Variants in CYP2C18 observed in about 807,000 individuals in gnomAD.
CYP2C18 encodes the protein cytochrome P450 family 2 subfamily C member 18, also known as cytochrome P450 2C18.
Under a neutral mutation model 41.3 loss-of-function variants are expected in CYP2C18, and 38 were observed. That is an observed-to-expected ratio of 0.92 (90% CI 0.71 to 1.21). CYP2C18 has a LOEUF of 1.21. Ranked by LOEUF, CYP2C18 falls within the 50% of genes most tolerant of loss-of-function variation. CYP2C18 has a pLI of 0.00. For missense variants in CYP2C18, 635 were observed against 591.4 expected (o/e 1.07, Z -0.77); for synonymous variants, 236 against 210.0 (o/e 1.12, Z -1.07).
chr10:94,714,622 G>T (rs1212461107), intron 5 of CYP2C18, among the ~76,000 whole-genome samples: 1 of 152,120 alleles, frequency 6.6e-6, no homozygotes, highest in African/African-American at 2.4e-5. Flanking sequence ...GATGCCTCCA[G>T]CTTTGTTCTT....
At chr10:94,704,346 A>T (rs1847299819) in intron 4 of CYP2C18, among the ~76,000 whole-genome samples, 1 of 150,658 alleles carries the variant, frequency 6.6e-6, no homozygotes, top group Non-Finnish European at 1.5e-5. Flanking sequence ...TTTCTTCTGA[A>T]GGCTATAGCT....
intron 7 of CYP2C18, chr10:94,728,675 C>G: frequency 2.5e-6 from 2 of 809,848 alleles, no homozygotes; most frequent in Non-Finnish European, 3.0e-6. Context: ...TCTCAGAAGT[C>G]ATTTTTAATT....
intron 5 of CYP2C18, among the ~76,000 whole-genome samples, chr10:94,709,281 T>C (rs1413217070): frequency 1.3e-5 from 2 of 152,186 alleles, no homozygotes; most frequent in African/African-American, 4.8e-5. Flanking sequence ...ACCTTGCTAA[T>C]GTTTCTTATC....
chr10:94,707,030 G>A, intron 5 of CYP2C18, 70 bp downstream of exon 5: 1 of 1,384,438 alleles, frequency 7.2e-7, no homozygotes, highest in Non-Finnish European at 1.0e-6. Context: ...CTTAAATAGT[G>A]AGGCAAGAAA....
In CYP2C18 at chr10:94,720,020, T is replaced by G. The variant is rs117453480; in HGVS notation, c.820-376T>G. On this transcript the variant is annotated intron_variant, in intron 5 of 8. Transcript: ENST00000285979. Reference sequence around the variant, plus strand: ...AGCCACCACAGATGGACTTGTTATATTCTTAAATATTCATGTTCCAAGGTG... The same window carrying G: ...AGCCACCACAGATGGACTTGTTATAGTCTTAAATATTCATGTTCCAAGGTG... Among the ~76,000 whole-genome samples the G allele has an allele frequency of 1.6e-3, 237 of 152,264 alleles. 1 individual carries two copies. The highest frequency in any genetic ancestry group is 2.7e-3 in the Non-Finnish European group (187 of 68,002).
chr10:94,700,260 G>A (rs375773036), intron 4 of CYP2C18, among the ~76,000 whole-genome samples: 1 of 152,128 alleles, frequency 6.6e-6, no homozygotes, highest in Non-Finnish European at 1.5e-5. Flanking sequence ...AAACAGCATG[G>A]TACTGCTACC....
At chr10:94,704,056 G>T (rs1160316771) in intron 4 of CYP2C18, among the ~76,000 whole-genome samples, 1 of 152,124 alleles carries the variant, frequency 6.6e-6, no homozygotes, top group Non-Finnish European at 1.5e-5. Context: ...TCCGTGGGCT[G>T]CACCCACTGT....
chr10:94,716,988 A>G (rs1847559541), intron 5 of CYP2C18, among the ~76,000 whole-genome samples: 6 of 152,128 alleles, frequency 3.9e-5, no homozygotes, highest in Admixed American at 3.9e-4. Flanking sequence ...GTTTTATCAG[A>G]GACTAGGATT....
intron 4 of CYP2C18, among the ~76,000 whole-genome samples, chr10:94,706,031 G>A (rs927766303): frequency 6.6e-6 from 1 of 152,108 alleles, no homozygotes; most frequent in African/African-American, 2.4e-5. Flanking sequence ...ACATTATTTG[G>A]CAAAAGGGGA....
intron 4 of CYP2C18, among the ~76,000 whole-genome samples, chr10:94,698,512 C>G (rs960066463): frequency 1.3e-5 from 2 of 152,092 alleles, no homozygotes; most frequent in Admixed American, 1.3e-4. Context: ...GCACTAAATG[C>G]CCACAAGAGA....
intron 1 of CYP2C18, among the ~76,000 whole-genome samples, chr10:94,686,416 G>C (rs1219216200): frequency 6.6e-6 from 1 of 151,968 alleles, no homozygotes; most frequent in Non-Finnish European, 1.5e-5. Flanking sequence ...TCTGTCTTTA[G>C]TCTAATTGCT....
intron 7 of CYP2C18, among the ~76,000 whole-genome samples, chr10:94,727,968 T>C (rs574886403): frequency 6.6e-6 from 1 of 152,300 alleles, no homozygotes; most frequent in South Asian, 2.1e-4. Flanking sequence ...CAAGGAATTA[T>C]TATCAATACA....
intron 4 of CYP2C18, among the ~76,000 whole-genome samples, chr10:94,696,751 C>G (rs1019029005): frequency 6.6e-6 from 1 of 151,892 alleles, no homozygotes; most frequent in East Asian, 1.9e-4. Flanking sequence ...AGATGAATGG[C>G]TAACTAGAAT....
At chr10:94,703,063 G>A (rs920479064) in intron 4 of CYP2C18, among the ~76,000 whole-genome samples, 8 of 152,304 alleles carry the variant, frequency 5.3e-5, no homozygotes, top group African/African-American at 1.7e-4. Context: ...CACCAGCAGC[G>A]GCTGCAGAAC....
chr10:94,723,134 T>C, intron 6 of CYP2C18, among the ~76,000 whole-genome samples: 1 of 152,180 alleles, frequency 6.6e-6, no homozygotes, highest in Non-Finnish European at 1.5e-5. Context: ...TGTGTATTTG[T>C]AGATAAAGAA....
chr10:94,698,670 C>CA (rs1197274658), intron 4 of CYP2C18, among the ~76,000 whole-genome samples: 3 of 145,704 alleles, frequency 2.1e-5, no homozygotes, highest in Non-Finnish European at 1.5e-5. Flanking sequence ...AAAAACCCTT[C>CA]AAAAAATCAA....
chr10:94,694,855 C>T, intron 3 of CYP2C18, 62 bp from the exon 4 acceptor site: 2 of 1,538,570 alleles, frequency 1.3e-6, no homozygotes, highest in Admixed American at 1.9e-5. Context: ...TTTCCTGTAT[C>T]AAAGACAAAG....
chr10:94,729,859 G>A (rs1350754560), intron 7 of CYP2C18, among the ~76,000 whole-genome samples: 1 of 152,104 alleles, frequency 6.6e-6, no homozygotes, highest in Non-Finnish European at 1.5e-5. Context: ...AAAGAGAAGA[G>A]TTGGGATGCT....
In CYP2C18 at chr10:94,706,197, A is replaced by C. The variant is rs1458947206; in HGVS notation, c.643-587A>C. 4.6e-4 allele frequency among the ~76,000 whole-genome samples: 70 copies of C among 152,326 alleles called. No individual in the cohort carries two copies. In the East Asian group the frequency reaches 0.013, roughly 28 times the overall value. Reference sequence around the variant, plus strand: ...ACAGTTTTGGCTGTGCTGAGCTAGCATGTCCTGAACTCTGTCTAAAGGATA... The same window carrying C: ...ACAGTTTTGGCTGTGCTGAGCTAGCCTGTCCTGAACTCTGTCTAAAGGATA... On this transcript the variant is annotated intron_variant, in intron 4 of 8. Coordinates refer to ENST00000285979, the MANE Select transcript of CYP2C18 (RefSeq NM_000772.3).
Sources: gnomAD v4.1 joint callset for allele counts (sites outside exome capture counted in the v4.1 genomes callset) on GRCh38, gnomAD v4.1.1 for gene constraint, MANE v1.5 for transcripts, NCBI Gene and HGNC (gene_info 2026-07-23, HGNC 2026-07-21) for gene names.